LRMDA: variants seen among roughly 807,000 people sequenced by gnomAD.
The protein encoded by LRMDA is leucine rich melanocyte differentiation associated.
Under a neutral mutation model 29.8 loss-of-function variants are expected in LRMDA, and 18 were observed. The observed-to-expected ratio is 0.60, with a 90% CI of 0.42 to 0.90. LRMDA has a LOEUF of 0.90. LRMDA is among the 40% of genes least tolerant of loss of function. The probability of loss-of-function intolerance (pLI) is 0.00; values close to 1 mark genes in which losing one functional copy is unlikely to be tolerated. For synonymous variants in LRMDA, 125 were observed against 109.4 expected, an observed-to-expected ratio of 1.14 and a Z score of -0.89; for missense variants, 273 against 273.9, an observed-to-expected ratio of 1.00 and a Z score of 0.02.
chr10:75,893,955 A>G (rs887398447), intron 2 of LRMDA, among the ~76,000 whole-genome samples: 2 of 151,986 alleles, frequency 1.3e-5, no homozygotes, highest in Non-Finnish European at 2.9e-5. Flanking sequence ...ACAAAAAAAA[A>G]AGAAAGAAAA....
chr10:76,008,948 C>A (rs1307432363), intron 2 of LRMDA, among the ~76,000 whole-genome samples: 2 of 152,126 alleles, frequency 1.3e-5, no homozygotes, highest in African/African-American at 2.4e-5. Flanking sequence ...AGATGAAGAG[C>A]CTATGGCATA....
intron 2 of LRMDA, among the ~76,000 whole-genome samples, chr10:76,028,941 C>T (rs924591906): frequency 4.6e-5 from 7 of 151,962 alleles, no homozygotes; most frequent in Non-Finnish European, 7.4e-5. Context: ...CTCAGCCTCC[C>T]GAGTAGCTGG....
At chr10:76,235,153 C>T (rs1040702335) in intron 5 of LRMDA, among the ~76,000 whole-genome samples, 8 of 152,030 alleles carry the variant, frequency 5.3e-5, no homozygotes, top group African/African-American at 1.2e-4. Flanking sequence ...ATTTCAATAT[C>T]GTTGTGTCTC....
chr10:75,921,152 C>G (rs1358375560), intron 2 of LRMDA, among the ~76,000 whole-genome samples: 1 of 152,054 alleles, frequency 6.6e-6, no homozygotes, highest in African/African-American at 2.4e-5. Flanking sequence ...TGCTGGAGAC[C>G]TGGTTCTTTT....
chr10:75,884,936 G>A (rs1442568815), intron 2 of LRMDA, among the ~76,000 whole-genome samples: 1 of 151,990 alleles, frequency 6.6e-6, no homozygotes, highest in Non-Finnish European at 1.5e-5. Flanking sequence ...AGGAGGCCTG[G>A]GGAGAACTCC....
chr10:76,064,922 A>C (rs1390218911), intron 5 of LRMDA, among the ~76,000 whole-genome samples: 2 of 152,104 alleles, frequency 1.3e-5, no homozygotes, highest in African/African-American at 4.8e-5. Context: ...TCATGTTTTT[A>C]TGATTTTTTT....
chr10:76,505,019 G>T (rs1842945284), intron 6 of LRMDA, among the ~76,000 whole-genome samples: 1 of 151,780 alleles, frequency 6.6e-6, no homozygotes, highest in Admixed American at 6.6e-5. Context: ...CTCAGTATTT[G>T]CTTGTCTGAG....
chr10:75,446,687 A>G (rs560719989), intron 2 of LRMDA, among the ~76,000 whole-genome samples: 4 of 152,370 alleles, frequency 2.6e-5, no homozygotes, highest in African/African-American at 9.6e-5. Flanking sequence ...TTACTTGTTA[A>G]TGCAGCATAA....
intron 5 of LRMDA, among the ~76,000 whole-genome samples, chr10:76,281,578 C>A (rs115901806): frequency 4.6e-5 from 7 of 152,152 alleles, no homozygotes; most frequent in Non-Finnish European, 7.3e-5. Context: ...CCCAACCCCC[C>A]CATCATCCAT....
intron 2 of LRMDA, among the ~76,000 whole-genome samples, chr10:75,923,870 C>T (rs1846071013): frequency 1.3e-5 from 2 of 152,050 alleles, no homozygotes; most frequent in South Asian, 4.2e-4. Flanking sequence ...CTCACTACGG[C>T]CTAGGACCAG....
chr10:76,087,458 C>A (rs140585759), intron 5 of LRMDA, among the ~76,000 whole-genome samples: 1 of 152,310 alleles, frequency 6.6e-6, no homozygotes, highest in African/African-American at 2.4e-5. Flanking sequence ...ATACCACACC[C>A]TATGCTGGTA....
chr10:76,373,536 A>G (rs1046700100), intron 6 of LRMDA, among the ~76,000 whole-genome samples: 1 of 152,142 alleles, frequency 6.6e-6, no homozygotes, highest in Non-Finnish European at 1.5e-5. Flanking sequence ...ATAGTTAATT[A>G]TTCTCACCTG....
intron 2 of LRMDA, among the ~76,000 whole-genome samples, chr10:75,735,460 T>A (rs1454991487): frequency 6.6e-6 from 1 of 152,110 alleles, no homozygotes; most frequent in Admixed American, 6.6e-5. Flanking sequence ...AAAAACAAAC[T>A]AACTAACAAT....
intron 2 of LRMDA, chr10:75,782,916 T>G: frequency 6.2e-7 from 1 of 1,610,578 alleles, no homozygotes. Flanking sequence ...TTGCCAACAG[T>G]GGCATCTGCT....
In LRMDA at chr10:75,447,495, C is replaced by A. The variant is rs1417024918; in HGVS notation, c.131+9001C>A. Among the ~76,000 whole-genome samples the A allele has an allele frequency of 3.3e-5, 5 of 152,108 alleles. No homozygotes were observed. In the East Asian group the frequency reaches 9.6e-4, roughly 29 times the overall value. On this transcript the variant is annotated intron_variant, in intron 2 of 6. Transcript: ENST00000611255. Reference sequence around the variant, plus strand: ...GAGCCAAGATCACACCACTGCACACCAGCCTGGGCAACAAAGCAAGACTCC... The same window carrying A: ...GAGCCAAGATCACACCACTGCACACAAGCCTGGGCAACAAAGCAAGACTCC...
intron 2 of LRMDA, among the ~76,000 whole-genome samples, chr10:75,786,666 G>T (rs962824483): frequency 2.0e-5 from 3 of 152,102 alleles, no homozygotes; most frequent in African/African-American, 7.2e-5. Flanking sequence ...TTTCCAGGAA[G>T]AATTTTGTTT....
intron 2 of LRMDA, among the ~76,000 whole-genome samples, chr10:75,746,658 A>C (rs1842894355): frequency 6.6e-6 from 1 of 152,202 alleles, no homozygotes; most frequent in African/African-American, 2.4e-5. Context: ...TTTCATCATC[A>C]TAAAAATCAT....
chr10:76,092,850 A>C lies in LRMDA; in HGVS notation c.516+34067A>C, dbSNP rs890048069. ...TAGTAAACAAGTGTGAATCTTGAAG[A>C]ATGAAATAAAAATGTTTCCTTTCAA... On this transcript the variant is annotated intron_variant, in intron 5 of 6. Transcript: ENST00000611255. Among the ~76,000 whole-genome samples the C allele has an allele frequency of 2.6e-5, 4 of 152,214 alleles. No individual in the cohort carries two copies. In the South Asian group the frequency reaches 8.3e-4, roughly 32 times the overall value.
intron 2 of LRMDA, among the ~76,000 whole-genome samples, chr10:75,836,096 G>C (rs1251598070): frequency 3.3e-5 from 5 of 152,084 alleles, no homozygotes; most frequent in Non-Finnish European, 4.4e-5. Context: ...TAAAATCTGA[G>C]GTCTGAGTAA....
Sources: allele counts gnomAD v4.1 joint callset (sites outside exome capture counted in the v4.1 genomes callset), GRCh38; gene constraint gnomAD v4.1.1; transcripts MANE v1.5; gene names NCBI Gene and HGNC (gene_info 2026-07-23, HGNC 2026-07-21).